The following ZNF446 variants were observed in gnomAD, a reference collection of about 807,000 sequenced individuals.
ZNF446 encodes zinc finger protein with KRAB and SCAN domains 20.
Under a neutral mutation model 34.0 loss-of-function variants are expected in ZNF446, and 42 were observed. The ratio of observed to expected loss-of-function variants is 1.23; its 90% CI spans 0.96 to 1.60. The LOEUF is 1.60. Among genes scored for constraint, ZNF446 ranks in the 40% most tolerant of loss-of-function variants. ZNF446 has a pLI of 0.00. For missense variants in ZNF446, 650 were observed against 600.2 expected, an observed-to-expected ratio of 1.08 and a Z score of -0.87; for synonymous variants, 315 against 251.0, an observed-to-expected ratio of 1.25 and a Z score of -2.41.
rs1046309782 is a variant in ZNF446 at position 58,481,200 on chromosome 19, G to A, written c.*474G>A. 6.2e-6 allele frequency: 1 copy of A among 161,714 alleles called. No homozygotes were observed. Among genetic ancestry groups the A allele is most frequent in the African/African-American group, 2.4e-5 (1 of 41,704 alleles). The allele number at this position is 161,714 out of a possible 1,614,324, so 10.0% of individuals were successfully genotyped here. ...TTTCTCCTGCTCCCTGTGTGTGTTA[G>A]AATTTTAACATAAATTCCACTTTCA... is the stretch of plus-strand genomic sequence containing the variant. On this transcript the variant is annotated 3_prime_UTR_variant, in exon 7 of 7. Coordinates refer to ENST00000594369, the MANE Select transcript of ZNF446 (RefSeq NM_017908.4).
At chr19:58,479,904 C>T (rs758276071) in intron 5 of ZNF446, 26 bp from the exon 6 acceptor site, 12 of 1,543,476 alleles carry the variant, frequency 7.8e-6, no homozygotes, top group African/African-American at 1.4e-5. Context: ...AAACCCCATG[C>T]CTAACTGTGC....
chr19:58,477,106 G>A (rs989872791), intron 1 of ZNF446, 73 bp from the exon 2 acceptor site: 2 of 937,392 alleles, frequency 2.1e-6, no homozygotes, highest in African/African-American at 3.3e-5. Context: ...TCAGCCCCCT[G>A]GGCTGAGCCT....
In ZNF446 at chr19:58,477,266, G is replaced by A; in HGVS notation, c.48G>A (p.Glu16=). The A allele has an allele frequency of 6.2e-7, 1 of 1,606,024 alleles. No homozygotes were observed. The highest frequency in any genetic ancestry group is 1.7e-4 in the Middle Eastern group (1 of 5,966). Residue 16 remains glutamate (E), a synonymous_variant, in exon 2 of 7, where the codon GAG becomes GAA. Transcript: ENST00000594369. ...CATGCCTGCCCGTCATGGACCCAGAGACCACCCTTGAGGAGCCTGAGACTG... is the reference window on the plus strand; with the variant it reads ...CATGCCTGCCCGTCATGGACCCAGAAACCACCCTTGAGGAGCCTGAGACTG... ...GPPCLPVMDP[E]TTLEEPETAR...
intron 4 of ZNF446, 116 bp from the exon 5 acceptor site, chr19:58,479,527 G>C: frequency 9.7e-7 from 1 of 1,025,740 alleles, no homozygotes; most frequent in Non-Finnish European, 1.4e-6. Context: ...CTCAGCAGGA[G>C]GGGCAGATGA....
At chr19:58,476,749 G>A (rs1419562523) in intron 1 of ZNF446, among the ~76,000 whole-genome samples, 2 of 151,990 alleles carry the variant, frequency 1.3e-5, no homozygotes, top group Non-Finnish European at 2.9e-5. Flanking sequence ...ATTGTGGAGG[G>A]CGACTCGTCC....
chr19:58,477,116 T>C, intron 1 of ZNF446, 63 bp from the exon 2 acceptor site: 1 of 1,040,618 alleles, frequency 9.6e-7, no homozygotes, highest in African/African-American at 1.6e-5. Flanking sequence ...GGGCTGAGCC[T>C]GGTGTCTGCC....
the ZNF446 span, among the ~76,000 whole-genome samples, chr19:58,487,374 G>A: frequency 6.6e-6 from 1 of 152,080 alleles, no homozygotes; most frequent in Non-Finnish European, 1.5e-5. Flanking sequence ...TCTGCCTCAC[G>A]ACTAAAGAAA....
At chr19:58,483,053 C>G (rs2053150670), downstream of ZNF446, among the ~76,000 whole-genome samples, 2 of 152,124 alleles carry the variant, frequency 1.3e-5, no homozygotes, top group African/African-American at 4.8e-5. Context: ...CATGGCAATG[C>G]TTACTCCAGA....
chr19:58,486,960 A>G, the ZNF446 span, among the ~76,000 whole-genome samples: 32,742 of 151,154 alleles, frequency 0.22, 3,997 homozygotes, highest in Non-Finnish European at 0.28. Context: ...CCGCCACCAC[A>G]CCCAGCTAAT....
chr19:58,486,088 CTTTTTTTTTTT>C (rs71190045), downstream of ZNF446, among the ~76,000 whole-genome samples: 1 of 83,336 alleles, frequency 1.2e-5, no homozygotes, highest in East Asian at 3.1e-4. Flanking sequence ...AGCTAACTTT[CTTTTTTTTTTT>C]TTTTTTTTTT....
chr19:58,484,847 C>T (rs1027347709), downstream of ZNF446, among the ~76,000 whole-genome samples: 1 of 151,778 alleles, frequency 6.6e-6, no homozygotes, highest in Admixed American at 6.6e-5. Flanking sequence ...TGCTTGAGCC[C>T]AGGAATTCAA....
At chr19:58,489,531 G>T in the ZNF446 span, among the ~76,000 whole-genome samples, 174 of 152,200 alleles carry the variant, frequency 1.1e-3, no homozygotes, top group African/African-American at 4.1e-3. Flanking sequence ...CTTGTCTCCC[G>T]CACAGCTGGC....
At chr19:58,478,619 G>A (rs2053110302) in intron 4 of ZNF446, among the ~76,000 whole-genome samples, 1 of 151,734 alleles carries the variant, frequency 6.6e-6, no homozygotes, top group East Asian at 1.9e-4. Flanking sequence ...AGCCGAGATT[G>A]TGCCACTGCG....
chr19:58,477,175 G>GTA lies in ZNF446; in HGVS notation c.-40-3_-40-2dup. The GTA allele has an allele frequency of 6.8e-7, 1 of 1,479,746 alleles. No homozygotes were observed. Among genetic ancestry groups the GTA allele is most frequent in the Middle Eastern group, 2.5e-4 (1 of 4,062 alleles). The allele number at this position is 1,479,746 out of a possible 1,614,324, so 91.7% of individuals were successfully genotyped here. A position where few individuals can be genotyped will look rare whatever the true frequency, so the allele number is the denominator to read the frequency against. ...CTGACATTCCGACCCTTCCTTTTCT[G>GTA]TAGGCCCATCTTGACGATTCCAAGA... On this transcript the variant is annotated splice_polypyrimidine_tract_variant and splice_region_variant and intron_variant, in intron 1 of 6. Transcript: ENST00000594369.
chr19:58,482,166 C>T (rs1486228923), downstream of ZNF446, among the ~76,000 whole-genome samples: 1 of 152,104 alleles, frequency 6.6e-6, no homozygotes, highest in African/African-American at 2.4e-5. Flanking sequence ...GTTGCCTTTT[C>T]CAGCTTCTAG....
chr19:58,485,154 A>G (rs1287625926), downstream of ZNF446, among the ~76,000 whole-genome samples: 1 of 152,182 alleles, frequency 6.6e-6, no homozygotes, highest in Non-Finnish European at 1.5e-5. Context: ...AACGACAAGT[A>G]GGGAAGAATT....
chr19:58,476,837 G>T (rs1476592486), intron 1 of ZNF446, among the ~76,000 whole-genome samples: 1 of 152,090 alleles, frequency 6.6e-6, no homozygotes, highest in Non-Finnish European at 1.5e-5. Flanking sequence ...AGACACTGTG[G>T]CTCCTCAGCC....
chr19:58,481,223 T>C lies in ZNF446; in HGVS notation c.*497T>C, dbSNP rs778560919. The C allele has an allele frequency of 6.4e-6, 1 of 157,280 alleles. No homozygotes were observed. The highest frequency in any genetic ancestry group is 6.2e-5 in the Admixed American group (1 of 16,260). 9.7% of individuals were successfully genotyped at this position (157,280 alleles called of 1,614,324 possible). ...TAGAATTTTAACATAAATTCCACTT[T>C]CATAATATGGAGTTTCTGAATAAGA... On this transcript the variant is annotated 3_prime_UTR_variant, in exon 7 of 7. Transcript: ENST00000594369.
At chr19:58,478,724 G>C (rs1176854182) in intron 4 of ZNF446, among the ~76,000 whole-genome samples, 1 of 152,104 alleles carries the variant, frequency 6.6e-6, no homozygotes, top group East Asian at 1.9e-4. Context: ...GTTTAGAGTG[G>C]CTGGAACTAG....
Sources: allele counts gnomAD v4.1 joint callset (sites outside exome capture counted in the v4.1 genomes callset), GRCh38; gene constraint gnomAD v4.1.1; transcripts MANE v1.5; gene names NCBI Gene and HGNC (gene_info 2026-07-23, HGNC 2026-07-21).